The following LARS1 variants were observed in gnomAD, a reference collection of about 807,000 sequenced individuals.
LARS1 encodes the protein leucyl-tRNA synthetase 1.
A neutral mutation model predicts 162.8 loss-of-function variants in LARS1; 100 were observed. The observed-to-expected ratio is 0.61, with a 90% CI of 0.52 to 0.73. The LOEUF (loss-of-function observed/expected upper bound fraction) is 0.73. Among genes scored for constraint, LARS1 ranks in the 30% least tolerant of loss-of-function variants. The pLI, the probability that LARS1 is intolerant of heterozygous loss-of-function variation, is 0.00. For synonymous variants in LARS1, 457 were observed against 462.8 expected, an observed-to-expected ratio of 0.99 and a Z score of 0.16; for missense variants, 1,258 against 1,408.9, an observed-to-expected ratio of 0.89 and a Z score of 1.71.
intron 4 of LARS1, among the ~76,000 whole-genome samples, chr5:146,170,507 A>C (rs1014566674): frequency 6.6e-6 from 1 of 151,816 alleles, no homozygotes; most frequent in Admixed American, 6.6e-5. Flanking sequence ...TGGAAAGGAC[A>C]TTTTGAGTCT....
intron 2 of LARS1, among the ~76,000 whole-genome samples, chr5:146,177,238 G>A (rs1030667728): frequency 6.6e-6 from 1 of 151,764 alleles, no homozygotes; most frequent in Non-Finnish European, 1.5e-5. Flanking sequence ...AGGCCGAGGC[G>A]GGTGGATCAC....
chr5:146,173,007 T>C (rs1754345313), intron 2 of LARS1, among the ~76,000 whole-genome samples: 1 of 152,188 alleles, frequency 6.6e-6, no homozygotes, highest in Admixed American at 6.5e-5. Context: ...TAAATAGCCT[T>C]GTAACAAATA....
rs1347929008 is a variant in LARS1, at chr5:146,168,231, A to C, written c.329T>G (p.Leu110Arg). ...CADKLKREIE[L>R]YGCPPDFPDE... ...TGGAAAATCAGGGGGGCAACCATAC[A>C]GCTCTATTTCTCTTTTCAACTTATC... is the stretch of plus-strand genomic sequence containing the variant. Residue 110 changes from leucine to arginine, a missense_variant, in exon 5 of 32, where the codon CTG becomes CGG. Physicochemically the swap from Leu to Arg is moderately radical, Grantham distance 102. Transcript: ENST00000394434. 44 of 1,613,500 alleles carry C rather than the reference A, an allele frequency of 2.7e-5. No homozygotes were observed. The highest frequency in any genetic ancestry group is 3.6e-5 in the Non-Finnish European group (42 of 1,179,824).
chr5:146,124,407 A>G (rs1287436484), intron 28 of LARS1, among the ~76,000 whole-genome samples: 2 of 151,878 alleles, frequency 1.3e-5, no homozygotes, highest in Non-Finnish European at 2.9e-5. Context: ...AAGCCCAAAG[A>G]ATTCACTTTA....
chr5:146,181,159 C>G (rs1754816545), intron 1 of LARS1: 1 of 152,064 alleles, frequency 6.6e-6, no homozygotes, highest in African/African-American at 2.4e-5. Context: ...TGAGTCCATC[C>G]TGGCCAATGT....
chr5:146,126,360 G>C, intron 28 of LARS1, 75 bp downstream of exon 28: 1 of 842,510 alleles, frequency 1.2e-6, no homozygotes, highest in Non-Finnish European at 1.9e-6. Flanking sequence ...TATGTCCAAG[G>C]CTTTTCCCCA....
intron 25 of LARS1, among the ~76,000 whole-genome samples, chr5:146,129,364 A>G (rs1356267501): frequency 3.3e-5 from 5 of 152,292 alleles, no homozygotes; most frequent in African/African-American, 1.2e-4. Context: ...ACCCACACAC[A>G]TATGCTCACT....
intron 1 of LARS1, chr5:146,179,699 A>T (rs1347703659): frequency 2.3e-6 from 1 of 439,198 alleles, no homozygotes; most frequent in African/African-American, 2.0e-5. Flanking sequence ...TACTGGGCTC[A>T]ATCAATCTTC....
intron 10 of LARS1, among the ~76,000 whole-genome samples, chr5:146,155,204 ATGAGTACACTAATACAT>A (rs1208234031): frequency 6.6e-6 from 1 of 152,224 alleles, no homozygotes; most frequent in Non-Finnish European, 1.5e-5. Context: ...ATATTATGAC[ATGAGTACACTAATACAT>A]TGTTTGTGAC....
intron 19 of LARS1, 93 bp downstream of exon 19, chr5:146,143,319 G>T: frequency 6.8e-7 from 1 of 1,464,414 alleles, no homozygotes; most frequent in Non-Finnish European, 9.2e-7. Flanking sequence ...AAAATTCTGT[G>T]AAATAAATCT....
Position 146,114,271 on chromosome 5 carries a change from C to T in LARS1, c.3366G>A (p.Leu1122=). ...GGACAGGAACTCGTCGAGGCCCCAA[C>T]AGTGGATCATCAAATCTCATCAGTT... is the stretch of plus-strand genomic sequence containing the variant. ...KVKLMRFDDP[L]LGPRRVPVLG... The change falls in exon 32 of 32, where the codon CTG becomes CTA. Residue 1122 remains leucine, a synonymous_variant. Transcript: ENST00000394434. 1.2e-6 allele frequency: 2 copies of T among 1,614,014 alleles called. No homozygotes were observed. Among genetic ancestry groups the T allele is most frequent in the Non-Finnish European group, 1.7e-6 (2 of 1,180,004 alleles).
intron 25 of LARS1, among the ~76,000 whole-genome samples, chr5:146,129,415 T>C (rs1048205362): frequency 2.6e-5 from 4 of 152,198 alleles, no homozygotes; most frequent in Non-Finnish European, 4.4e-5. Context: ...CTAAATTTAA[T>C]CATTATTATA....
chr5:146,129,137 C>T lies in LARS1; in HGVS notation c.2629-19G>A, dbSNP rs369635152. On this transcript the variant is annotated intron_variant, in intron 25 of 31. Transcript: ENST00000394434. ...AGTCAGGCTTTTAAAAAAAGAAAAA[C>T]AAAAAAACCTTCAGTGAGATTAGAC... is the stretch of plus-strand genomic sequence containing the variant. 1 of 1,409,154 alleles carries T rather than the reference C, an allele frequency of 7.1e-7. No homozygotes were observed. Among genetic ancestry groups the T allele is most frequent in the East Asian group, 2.3e-5 (1 of 43,302 alleles). 87.3% of individuals were successfully genotyped at this position (1,409,154 alleles called of 1,614,324 possible).
At chr5:146,140,929 G>C (rs1489287716) in intron 20 of LARS1, among the ~76,000 whole-genome samples, 5 of 151,514 alleles carry the variant, frequency 3.3e-5, no homozygotes, top group Admixed American at 3.3e-4. Flanking sequence ...GTGAAAACAA[G>C]ACAGAACAGT....
At chr5:146,161,506 A>G (rs1581067821) in intron 6 of LARS1, among the ~76,000 whole-genome samples, 2 of 152,322 alleles carry the variant, frequency 1.3e-5, no homozygotes, top group Middle Eastern at 6.8e-3. Context: ...AGGCAGGCGG[A>G]TCACTTGAGG....
At position 146,160,238 on chromosome 5, in the gene LARS1, G is replaced by A. The variant is rs1170384193; in HGVS notation, c.707+136C>T. ...ATATAAAGAGATGTGGTCTCGCTAT[G>A]TTGCCCAGGCTGGTCTCAAACTCCT... On this transcript the variant is annotated intron_variant, in intron 7 of 31. Transcript: ENST00000394434. 1.5e-5 allele frequency: 7 copies of A among 451,784 alleles called. No homozygotes were observed. In the Admixed American group the frequency reaches 3.2e-4, roughly 21 times the overall value. 28.0% of individuals were successfully genotyped at this position (451,784 alleles called of 1,614,324 possible).
At chr5:146,166,577 G>A (rs1049512652) in intron 5 of LARS1, among the ~76,000 whole-genome samples, 2 of 152,112 alleles carry the variant, frequency 1.3e-5, no homozygotes, top group Non-Finnish European at 2.9e-5. Context: ...CTTATAACCT[G>A]AAGAATAAAG....
In LARS1 at chr5:146,173,201, G is replaced by T. The variant is rs371169376; in HGVS notation, c.126-427C>A. Among the ~76,000 whole-genome samples the T allele has an allele frequency of 8.6e-5, 13 of 152,042 alleles. No individual in the cohort carries two copies. The South Asian group carries it at 2.7e-3, about 32-fold the overall frequency. ...TGTCTCTACTAAAAACTAGCCGGGC[G>T]TGATGGCGTGCGCTGATAATCCCAG... On this transcript the variant is annotated intron_variant, in intron 2 of 31. Transcript: ENST00000394434.
intron 31 of LARS1, among the ~76,000 whole-genome samples, chr5:146,117,400 A>G (rs1751605811): frequency 1.3e-5 from 2 of 152,194 alleles, no homozygotes; most frequent in Admixed American, 6.5e-5. Context: ...ACTTGAGGCC[A>G]GGAGCTCAAG....
Sources: gnomAD v4.1 joint callset for allele counts (sites outside exome capture counted in the v4.1 genomes callset) on GRCh38, gnomAD v4.1.1 for gene constraint, MANE v1.5 for transcripts, NCBI Gene and HGNC (gene_info 2026-07-23, HGNC 2026-07-21) for gene names.